Variants in TBXAS1 observed in about 807,000 individuals in gnomAD.
The protein encoded by TBXAS1 is thromboxane-A synthase.
TBXAS1 carries 48 observed loss-of-function variants against 60.7 expected under a neutral mutation model. The observed-to-expected ratio is 0.79, with a 90% CI of 0.63 to 1.01. The LOEUF (loss-of-function observed/expected upper bound fraction) is 1.01. TBXAS1 is among the 50% of genes least tolerant of loss of function. TBXAS1 has a pLI of 0.00. For synonymous variants in TBXAS1, 287 were observed against 269.7 expected, an observed-to-expected ratio of 1.06 and a Z score of -0.63; for missense variants, 685 against 686.3, an observed-to-expected ratio of 1.00 and a Z score of 0.02.
intron 3 of TBXAS1, among the ~76,000 whole-genome samples, chr7:139,890,033 C>G (rs1029335091): frequency 2.6e-5 from 4 of 152,054 alleles, no homozygotes; most frequent in Non-Finnish European, 4.4e-5. Flanking sequence ...CTCCAACAAT[C>G]GAATGGGGTG....
At chr7:139,836,880 C>G (rs112823625) in intron 1 of TBXAS1, among the ~76,000 whole-genome samples, 1,695 of 152,192 alleles carry the variant, frequency 0.011, 32 homozygotes, top group African/African-American at 0.038. Flanking sequence ...AACAGACAAC[C>G]CAGAGTGGGA....
chr7:139,780,224 A>G (rs968455456), intron 1 of TBXAS1, among the ~76,000 whole-genome samples: 17 of 152,234 alleles, frequency 1.1e-4, no homozygotes, highest in African/African-American at 4.1e-4. Flanking sequence ...TACATACCCT[A>G]CATGCATGTC....
chr7:139,916,117 G>A lies in TBXAS1; in HGVS notation c.333+4796G>A, dbSNP rs146581350. Among the ~76,000 whole-genome samples, 5 of 152,240 alleles carry A rather than the reference G, an allele frequency of 3.3e-5. No homozygotes were observed. The highest frequency in any genetic ancestry group is 4.2e-4 in the South Asian group (2 of 4,814). On this transcript the variant is annotated intron_variant, in intron 4 of 12. Transcript: ENST00000448866. This position sits in a 1 kb window ranked among gnomAD's most constrained non-coding sequence, Gnocchi z 4.2. ...TGAGCTCTTCTTTGCTGTCAGGTAC[G>A]GTACCTAATGAAACCATAGGGCAGC...
chr7:139,824,829 CTTTTTTTT>C (rs1192880390), upstream of TBXAS1, among the ~76,000 whole-genome samples: 1 of 38,862 alleles, frequency 2.6e-5, no homozygotes, highest in African/African-American at 9.5e-5. Flanking sequence ...TTTTCCTTTT[CTTTTTTTT>C]TTTTTTTTTT....
chr7:139,993,375 T>C (rs1205468986), intron 9 of TBXAS1, among the ~76,000 whole-genome samples: 4 of 152,124 alleles, frequency 2.6e-5, no homozygotes, highest in Non-Finnish European at 4.4e-5. Context: ...AAATTCTAAT[T>C]GTATTGGGCA....
rs1460933856 is a variant in TBXAS1 at position 139,829,266 on chromosome 7, T to G, written c.-125T>G. The G allele has an allele frequency of 1.9e-5, 16 of 826,120 alleles. No homozygotes were observed. Among genetic ancestry groups the G allele is most frequent in the Non-Finnish European group, 2.8e-5 (14 of 492,400 alleles). The allele number at this position is 826,120 out of a possible 1,614,324, so 51.2% of individuals were successfully genotyped here. ...GAAAGAGCACATTGTGGGGGCCCAC[T>G]CCATGTGATGTTTGCTTGGTTGCCT... On this transcript the variant is annotated 5_prime_UTR_variant, in exon 1 of 13. Transcript: ENST00000448866.
chr7:139,789,148 C>G (rs1797295501), intron 4 of TBXAS1: 1 of 152,084 alleles, frequency 6.6e-6, no homozygotes, highest in South Asian at 2.1e-4. Context: ...TACATATTCA[C>G]TTTTTGCCTT....
At chr7:139,912,685 T>C (rs921252650) in intron 4 of TBXAS1, among the ~76,000 whole-genome samples, 8 of 152,108 alleles carry the variant, frequency 5.3e-5, no homozygotes, top group Non-Finnish European at 7.3e-5. Flanking sequence ...GCCACCAGGA[T>C]GCAGACAGAG....
rs543782716 is a variant in TBXAS1, at chr7:139,953,390, C to A, written c.473C>A (p.Ala158Asp). The A allele has an allele frequency of 2.5e-5, 40 of 1,614,184 alleles. No individual in the cohort carries two copies. The South Asian group carries it at 4.4e-4, about 18-fold the overall frequency. ...LNEMVPLISQ[A>D]CDLLLAHLKR... The stretch of plus-strand genomic sequence containing the variant: ...CAGATGGTTCCCCTCATCAGCCAAG[C>A]CTGCGACCTTCTCCTGGCTCATTTA... The change falls in exon 6 of 13, where the codon GCC becomes GAC. Residue 158 changes from alanine to aspartate, a missense_variant. Transcript: ENST00000448866.
At chr7:139,798,233 G>C (rs982805840) in intron 4 of TBXAS1, among the ~76,000 whole-genome samples, 7 of 152,146 alleles carry the variant, frequency 4.6e-5, no homozygotes, top group Non-Finnish European at 7.3e-5. Flanking sequence ...AGAAGGAAAA[G>C]AAAGAAGCCG....
At chr7:139,936,080 C>A in intron 4 of TBXAS1, 111 bp from the exon 5 acceptor site, 2 of 943,842 alleles carry the variant, frequency 2.1e-6, no homozygotes, top group Non-Finnish European at 1.7e-6. Flanking sequence ...AACCTCCTAA[C>A]TTGTTGGCCA....
intron 9 of TBXAS1, among the ~76,000 whole-genome samples, chr7:139,986,416 A>G (rs1812461107): frequency 6.6e-6 from 1 of 152,078 alleles, no homozygotes; most frequent in African/African-American, 2.4e-5. Context: ...ATTTGGTTAC[A>G]TGAGTAAGTT....
intron 1 of TBXAS1, among the ~76,000 whole-genome samples, chr7:139,862,647 G>A (rs1801051581): frequency 6.6e-6 from 1 of 152,206 alleles, no homozygotes; most frequent in African/African-American, 2.4e-5. Context: ...GAATATGTAT[G>A]CTGATAGGAA....
intron 9 of TBXAS1, among the ~76,000 whole-genome samples, chr7:139,986,797 G>GTATATA (rs1277647934): frequency 2.3e-3 from 93 of 40,196 alleles, no homozygotes; most frequent in African/African-American, 8.0e-3. Context: ...GTGTGTGTGT[G>GTATATA]TGTATATATA....
At chr7:139,792,147 A>G (rs140190304) in intron 4 of TBXAS1, among the ~76,000 whole-genome samples, 13 of 152,338 alleles carry the variant, frequency 8.5e-5, no homozygotes, top group African/African-American at 2.9e-4. Context: ...CTGAACCTGA[A>G]TATTCCTGTC....
chr7:139,835,625 C>A (rs1024271214), intron 1 of TBXAS1, among the ~76,000 whole-genome samples: 3 of 152,116 alleles, frequency 2.0e-5, no homozygotes, highest in African/African-American at 7.2e-5. Context: ...AAGGGACATA[C>A]CTTAATGTAA....
upstream of TBXAS1, among the ~76,000 whole-genome samples, chr7:139,824,406 C>T (rs189858225): frequency 4.3e-4 from 66 of 152,322 alleles, no homozygotes; most frequent in Middle Eastern, 0.014. Flanking sequence ...AAGAATGTCG[C>T]TTGAGATAGC....
At chr7:139,881,149 G>A (rs538387925) in intron 3 of TBXAS1, among the ~76,000 whole-genome samples, 1 of 152,152 alleles carries the variant, frequency 6.6e-6, no homozygotes, top group Non-Finnish European at 1.5e-5. Flanking sequence ...ATTTGTAGAA[G>A]CTCTTTGCAT....
intron 7 of TBXAS1, 89 bp from the exon 8 acceptor site, chr7:139,957,545 C>G: frequency 6.3e-7 from 1 of 1,586,316 alleles, no homozygotes; most frequent in East Asian, 2.2e-5. Context: ...CGATTCCAGG[C>G]CCGCGTTTGC....
Sources: allele counts gnomAD v4.1 joint callset (sites outside exome capture counted in the v4.1 genomes callset), GRCh38; gene constraint gnomAD v4.1.1; non-coding constraint Gnocchi (gnomAD v3.1); transcripts MANE v1.5; gene names NCBI Gene and HGNC (gene_info 2026-07-23, HGNC 2026-07-21).